The following PRDM9 variants were observed in gnomAD, a reference collection of about 807,000 sequenced individuals.
PRDM9 encodes PR/SET domain 9, also known as histone-lysine N-methyltransferase PRDM9.
PRDM9 carries 47 observed loss-of-function variants against 55.6 expected under a neutral mutation model. The ratio of observed to expected loss-of-function variants is 0.85; its 90% CI spans 0.67 to 1.08. The LOEUF (loss-of-function observed/expected upper bound fraction) is 1.08, where lower values mean the gene tolerates loss of function less well. PRDM9 is among the 50% of genes least tolerant of loss of function. The pLI, the probability that PRDM9 is intolerant of heterozygous loss-of-function variation, is 0.00. For missense variants in PRDM9, 867 were observed against 1,040.3 expected, an observed-to-expected ratio of 0.83 and a Z score of 2.29; for synonymous variants, 312 against 375.7, an observed-to-expected ratio of 0.83 and a Z score of 1.96.
In PRDM9 at chr5:23,527,888, T is replaced by G; in HGVS notation, c.*115T>G. The G allele has an allele frequency of 2.0e-5, 25 of 1,256,736 alleles. No individual in the cohort carries two copies. Among genetic ancestry groups the G allele is most frequent in the South Asian group, 2.5e-5 (2 of 79,596 alleles). The allele number at this position is 1,256,736 out of a possible 1,614,324, so 77.8% of individuals were successfully genotyped here. ...AGCGGAAGTCTGCTGACCCCTTATA[T>G]TCCCCGAGAGTATAAAGAGATCGGA... On this transcript the variant is annotated 3_prime_UTR_variant, in exon 11 of 11. Coordinates refer to ENST00000296682, the MANE Select transcript of PRDM9 (RefSeq NM_020227.4).
At chr5:23,516,802 C>T (rs1313431968) in intron 4 of PRDM9, among the ~76,000 whole-genome samples, 2 of 147,934 alleles carry the variant, frequency 1.4e-5, no homozygotes, top group Non-Finnish European at 3.0e-5. Context: ...TCACTGCAAC[C>T]TCTGCCTCCC....
chr5:23,511,124 C>A (rs1229606081), intron 4 of PRDM9, among the ~76,000 whole-genome samples: 2 of 151,902 alleles, frequency 1.3e-5, no homozygotes, highest in Non-Finnish European at 1.5e-5. Context: ...CCACCACCCT[C>A]CAGCCTGGGC....
At position 23,509,919 on chromosome 5, in the gene PRDM9, G is replaced by C. The variant is rs1448957025; in HGVS notation, c.194-1G>C. The C allele has an allele frequency of 5.0e-6, 8 of 1,613,962 alleles. No individual in the cohort carries two copies. Among genetic ancestry groups the C allele is most frequent in the Non-Finnish European group, 6.8e-6 (8 of 1,180,012 alleles). ...AGAACAAAATTTTTGCTTCTTTTCA[G>C]GTCTCAGAGCCACTCGACCAGCTTT... On this transcript the variant is annotated splice_acceptor_variant, in intron 3 of 10. Coordinates refer to ENST00000296682, the MANE Select transcript of PRDM9 (RefSeq NM_020227.4). LOFTEE classifies it high-confidence loss of function.
In PRDM9 at chr5:23,523,339, T is replaced by A; in HGVS notation, c.931T>A (p.Ser311Thr). 1.2e-6 allele frequency: 2 copies of A among 1,613,892 alleles called. No homozygotes were observed. The highest frequency in any genetic ancestry group is 1.7e-6 in the Non-Finnish European group (2 of 1,179,800). The part of the protein sequence containing the change: ...CYEYVDGKDK[S>T]WANWMRYVNC... ...TGAGTATGTGGATGGAAAAGATAAA[T>A]CCTGGGCCAACTGGATGAGGTAAGG... Residue 311 changes from serine (S) to threonine (T), a missense_variant, in exon 9 of 11, where the codon TCC becomes ACC. By Grantham distance (58) the Ser-to-Thr change is moderately conservative. Transcript: ENST00000296682.
intron 3 of PRDM9, 88 bp from the exon 4 acceptor site, chr5:23,509,832 C>T: frequency 5.5e-6 from 8 of 1,456,684 alleles, no homozygotes; most frequent in Non-Finnish European, 7.7e-6. Flanking sequence ...CTGAGCAGCA[C>T]TGGCTTTGTG....
chr5:23,509,552 A>T lies in PRDM9; in HGVS notation c.152A>T (p.Tyr51Phe). 6.2e-7 allele frequency: 1 copy of T among 1,614,190 alleles called. No homozygotes were observed. The highest frequency in any genetic ancestry group is 1.7e-5 in the Admixed American group (1 of 60,024). ...AEMGDWEKTR[Y>F]RNVKRNYNAL... ...ATGGGAGACTGGGAGAAAACTCGCT[A>T]TAGGAATGTGAAAAGGAACTATAAT... is the stretch of plus-strand genomic sequence containing the variant. Residue 51 changes from tyrosine (Y) to phenylalanine (F), a missense_variant, in exon 3 of 11, where the codon TAT becomes TTT. Tyr to Phe is a conservative substitution (Grantham distance 22). Transcript: ENST00000296682.
chr5:23,507,239 C>A (rs1738992170), upstream of PRDM9: 1 of 152,452 alleles, frequency 6.6e-6, no homozygotes, highest in Non-Finnish European at 1.5e-5. Flanking sequence ...GACACAGTGT[C>A]CCCTTGGAAG....
intron 4 of PRDM9, among the ~76,000 whole-genome samples, chr5:23,514,072 A>G (rs556190941): frequency 6.6e-6 from 1 of 152,194 alleles, no homozygotes; most frequent in Non-Finnish European, 1.5e-5. Flanking sequence ...GATAAGTGAC[A>G]TCTCGCTGTG....
At position 23,522,387 on chromosome 5, in the gene PRDM9, C is replaced by T. The variant is rs1739344448; in HGVS notation, c.592C>T (p.Gln198Ter). The T allele has an allele frequency of 3.1e-6, 5 of 1,613,884 alleles. No homozygotes were observed. The Middle Eastern group carries it at 6.6e-4, about 212-fold the overall frequency. ...GHAYKEVSEP[Q>*]DDDYLYCEMC... is the part of the protein sequence containing the mutation. ...TGCATACAAAGAGGTCAGCGAGCCG[C>T]AGGATGATGATTACCTCTGTAAGTG... Residue 198 changes from glutamine to a stop codon, truncating the protein, a stop_gained, in exon 7 of 11, where the codon CAG becomes TAG. Transcript: ENST00000296682. LOFTEE classifies it high-confidence loss of function.
chr5:23,515,854 T>C (rs1739199839), intron 4 of PRDM9, among the ~76,000 whole-genome samples: 1 of 152,254 alleles, frequency 6.6e-6, no homozygotes, highest in African/African-American at 2.4e-5. Flanking sequence ...CTCTCTATTC[T>C]GTTCCATTGG....
intron 4 of PRDM9, among the ~76,000 whole-genome samples, chr5:23,516,384 AT>A (rs915106807): frequency 2.0e-5 from 3 of 151,892 alleles, no homozygotes; most frequent in African/African-American, 4.8e-5. Context: ...TATTATTATT[AT>A]TTTTTTAGAT....
Position 23,527,692 on chromosome 5 carries a change from C to T in PRDM9, c.2604C>T (p.Gly868=). 1 of 1,587,902 alleles carries T rather than the reference C, an allele frequency of 6.3e-7. No individual in the cohort carries two copies. The highest frequency in any genetic ancestry group is 8.6e-7 in the Non-Finnish European group (1 of 1,166,202). The change falls in exon 11 of 11, where the codon GGC becomes GGT. Residue 868 remains glycine, a synonymous_variant. Coordinates refer to ENST00000296682, the MANE Select transcript of PRDM9 (RefSeq NM_020227.4). ...ACGTCTGCAGGGAGTGTGGGCGGGG[C>T]TTTAGCGATAGGTCAAGCCTCTGCT... ...KPYVCRECGR[G]FSDRSSLCYH...
chr5:23,525,248 A>C (rs1215866961), intron 10 of PRDM9, among the ~76,000 whole-genome samples: 5 of 152,216 alleles, frequency 3.3e-5, no homozygotes, highest in Non-Finnish European at 7.3e-5. Flanking sequence ...TACGGCCAGA[A>C]AGAATTCAGC....
In PRDM9 at chr5:23,526,612, C is replaced by T. The variant is rs752003230; in HGVS notation, c.1524C>T (p.Asn508=). The T allele has an allele frequency of 1.9e-5, 31 of 1,614,092 alleles. No homozygotes were observed. The highest frequency in any genetic ancestry group is 3.3e-5 in the Admixed American group (2 of 60,008). ...SRTGQKVNPG[N]TGKLFVGVGI... ...CAGGCCAGAAAGTGAATCCAGGGAACACAGGCAAATTATTTGTGGGGGTAG... is the reference window on the plus strand; with the variant it reads ...CAGGCCAGAAAGTGAATCCAGGGAATACAGGCAAATTATTTGTGGGGGTAG... Residue 508 remains asparagine, a synonymous_variant, in exon 11 of 11, where the codon AAC becomes AAT. Coordinates refer to ENST00000296682, the MANE Select transcript of PRDM9 (RefSeq NM_020227.4).
chr5:23,509,376 A>G (rs1739043840), intron 2 of PRDM9, 94 bp from the exon 3 acceptor site: 1 of 1,594,040 alleles, frequency 6.3e-7, no homozygotes, highest in Middle Eastern at 1.7e-4. Context: ...AGACTCCCAG[A>G]GGCCCCAGGC....
Position 23,511,973 on chromosome 5 carries a change from TC to T in PRDM9, c.301+1947del, listed in dbSNP as rs753141167. 5.1e-3 allele frequency among the ~76,000 whole-genome samples: 771 copies of T among 151,842 alleles called. 2 individuals carry two copies. The highest frequency in any genetic ancestry group is 0.018 in the African/African-American group (727 of 41,370). ...TTTCTATATGTTTAAAATTTGTCAT[TC>T]TTTTTTTTTTTTTAAATTGTGTTTG... On this transcript the variant is annotated intron_variant, in intron 4 of 10. Transcript: ENST00000296682.
chr5:23,517,859 C>T, intron 4 of PRDM9, 22 bp from the exon 5 acceptor site: 1 of 1,564,228 alleles, frequency 6.4e-7, no homozygotes, highest in Non-Finnish European at 8.8e-7. Flanking sequence ...AACCAAACCA[C>T]TGATTTCTCA....
intron 4 of PRDM9, among the ~76,000 whole-genome samples, chr5:23,516,105 A>C (rs1561018376): frequency 6.6e-6 from 1 of 152,210 alleles, no homozygotes; most frequent in Non-Finnish European, 1.5e-5. Context: ...TGATAGTATG[A>C]ACATGTTAAC....
At chr5:23,512,582 C>G (rs1739119953) in intron 4 of PRDM9, among the ~76,000 whole-genome samples, 1 of 152,118 alleles carries the variant, frequency 6.6e-6, no homozygotes, top group Admixed American at 6.5e-5. Flanking sequence ...ACATCTTTAT[C>G]TGAACTCAGT....
Sources: allele counts gnomAD v4.1 joint callset (sites outside exome capture counted in the v4.1 genomes callset), GRCh38; gene constraint gnomAD v4.1.1; transcripts MANE v1.5; gene names NCBI Gene and HGNC (gene_info 2026-07-23, HGNC 2026-07-21).